The following CCDC7 variants were observed in gnomAD, a reference collection of about 807,000 sequenced individuals.
CCDC7 encodes coiled-coil domain-containing protein 7.
In CCDC7, 183 loss-of-function variants were observed where a neutral mutation model predicts 196.9. That is an observed-to-expected ratio of 0.93 (90% CI 0.82 to 1.05). The LOEUF is 1.05. Among genes scored for constraint, CCDC7 ranks in the 50% least tolerant of loss-of-function variants. CCDC7 has a pLI of 0.00. For synonymous variants in CCDC7, 525 were observed against 484.6 expected (o/e 1.08, Z -1.10); for missense variants, 1,540 against 1,482.2 (o/e 1.04, Z -0.64).
intron 28 of CCDC7, among the ~76,000 whole-genome samples, chr10:32,756,889 T>G (rs2076552943): frequency 1.3e-5 from 2 of 151,916 alleles, no homozygotes; most frequent in Admixed American, 1.3e-4. Context: ...AGGCTCAAAA[T>G]AAAGGGATGG....
chr10:32,449,627 C>T (rs1381721366), upstream of CCDC7, among the ~76,000 whole-genome samples: 1 of 152,084 alleles, frequency 6.6e-6, no homozygotes, highest in Non-Finnish European at 1.5e-5. Flanking sequence ...GCCTGTGTTC[C>T]TCCTGGAAGT....
At position 32,694,863 on chromosome 10, in the gene CCDC7, G is replaced by C; in HGVS notation, c.2345-16G>C. 1 of 1,469,770 alleles carries C rather than the reference G, an allele frequency of 6.8e-7. No individual in the cohort carries two copies. The highest frequency in any genetic ancestry group is 9.3e-7 in the Non-Finnish European group (1 of 1,080,388). The allele number at this position is 1,469,770 out of a possible 1,614,324, so 91.0% of individuals were successfully genotyped here. A position where few individuals can be genotyped will look rare whatever the true frequency, so the allele number is the denominator to read the frequency against. ...CTGTTTTTCCATTAAGAGACTAAAT[G>C]CATCTCCTTATGTAGCTCATGATGA... On this transcript the variant is annotated splice_polypyrimidine_tract_variant and intron_variant, in intron 23 of 41. Transcript: ENST00000639629.
intron 41 of CCDC7, among the ~76,000 whole-genome samples, chr10:32,862,745 CTGTT>C (rs2094052353): frequency 6.6e-6 from 1 of 152,002 alleles, no homozygotes; most frequent in Non-Finnish European, 1.5e-5. Flanking sequence ...GAAAAATACT[CTGTT>C]TGAAGACAAC....
intron 15 of CCDC7, among the ~76,000 whole-genome samples, 172 bp downstream of exon 16, chr10:32,568,063 A>G (rs1234503022): frequency 1.6e-5 from 2 of 127,124 alleles, no homozygotes; most frequent in African/African-American, 6.2e-5. Context: ...CTAGAGTGCT[A>G]TGGTGCGATC....
chr10:32,707,531 A>G (rs910852894), intron 24 of CCDC7, among the ~76,000 whole-genome samples: 2 of 152,144 alleles, frequency 1.3e-5, no homozygotes, highest in East Asian at 1.9e-4. Flanking sequence ...AAGTCAAATT[A>G]TCCCTGTTTG....
chr10:32,563,237 T>C (rs1261407397), intron 13 of CCDC7, among the ~76,000 whole-genome samples: 3 of 152,072 alleles, frequency 2.0e-5, no homozygotes, highest in Non-Finnish European at 4.4e-5. Context: ...AGGTAATTTA[T>C]AGATTCAATG....
At chr10:32,812,369 A>T (rs535823399) in intron 30 of CCDC7, among the ~76,000 whole-genome samples, 15 of 152,238 alleles carry the variant, frequency 9.9e-5, no homozygotes, top group African/African-American at 3.6e-4. Context: ...TTAAAAAAGC[A>T]TAAAATTATA....
chr10:32,675,378 C>G (rs920513056), intron 21 of CCDC7, among the ~76,000 whole-genome samples: 5 of 152,024 alleles, frequency 3.3e-5, no homozygotes, highest in Admixed American at 6.6e-5. Context: ...TTGTTAACAA[C>G]TTAACTTCAA....
intron 11 of CCDC7, among the ~76,000 whole-genome samples, chr10:32,519,330 C>A (rs966350680): frequency 2.0e-5 from 3 of 152,132 alleles, no homozygotes; most frequent in African/African-American, 7.2e-5. Context: ...ATCCTAATCA[C>A]ACACTGTTAG....
At chr10:32,514,345 G>A (rs1335569084) in intron 9 of CCDC7, 1 of 152,190 alleles carries the variant, frequency 6.6e-6, no homozygotes, top group South Asian at 2.1e-4. Context: ...CGTGACTAAT[G>A]TCCTTATAGG....
rs2040020204 is a variant in CCDC7 at position 32,481,843 on chromosome 10, TCTCTTAGACTGCAAAATTTTCA to T, written c.796+7823_796+7844del. 2.6e-5 allele frequency: 4 copies of T among 152,282 alleles called. No homozygotes were observed. In the South Asian group the frequency reaches 8.3e-4, roughly 32 times the overall value. The allele number at this position is 152,282 out of a possible 1,614,324, so 9.4% of individuals were successfully genotyped here. ...GAACTTTGAAAATATCTTCTTACTC[TCTCTTAGACTGCAAAATTTTCA>T]CTGCTGATAGCCCTATGGGGATTCT... On this transcript the variant is annotated intron_variant, in intron 8 of 41. Coordinates refer to ENST00000639629, the Ensembl canonical transcript of CCDC7.
chr10:32,571,993 A>G lies in CCDC7; in HGVS notation c.1454+100A>G. ...ACCATTCTAAATTTAATGTCACAAAACTCTTTGAAACTAATTTTAAGTAGA... is the reference window on the plus strand; with the variant it reads ...ACCATTCTAAATTTAATGTCACAAAGCTCTTTGAAACTAATTTTAAGTAGA... On this transcript the variant is annotated intron_variant, in intron 16 of 41. Transcript: ENST00000639629. 3 of 1,081,798 alleles carry G rather than the reference A, an allele frequency of 2.8e-6. No homozygotes were observed. The South Asian group carries it at 9.8e-5, about 35-fold the overall frequency. The allele number at this position is 1,081,798 out of a possible 1,614,324, so 67.0% of individuals were successfully genotyped here. A position where few individuals can be genotyped will look rare whatever the true frequency, so the allele number is the denominator to read the frequency against.
intron 41 of CCDC7, among the ~76,000 whole-genome samples, chr10:32,870,990 G>A (rs2094407313): frequency 6.6e-6 from 1 of 152,070 alleles, no homozygotes; most frequent in South Asian, 2.1e-4. Context: ...TGCTGGATTC[G>A]GTTTGCCAGT....
upstream of CCDC7, among the ~76,000 whole-genome samples, chr10:32,450,305 C>T (rs953296321): frequency 1.1e-4 from 16 of 152,156 alleles, no homozygotes; most frequent in African/African-American, 3.9e-4. Flanking sequence ...CTTATAGTGA[C>T]ACCAGTAATT....
intron 18 of CCDC7, among the ~76,000 whole-genome samples, chr10:32,622,238 A>G (rs10827084): frequency 0.037 from 5,690 of 152,238 alleles, 147 homozygotes; most frequent in Non-Finnish European, 0.05. Context: ...CATTGGACCC[A>G]TAGAGTCCTA....
intron 9 of CCDC7, chr10:32,511,470 T>G: frequency 6.2e-7 from 1 of 1,607,440 alleles, no homozygotes; most frequent in Non-Finnish European, 8.5e-7. Flanking sequence ...ATATATACTC[T>G]GATTCTTTCC....
At chr10:32,641,270 C>CT (rs1291873444) in intron 20 of CCDC7, among the ~76,000 whole-genome samples, 4 of 152,226 alleles carry the variant, frequency 2.6e-5, no homozygotes, top group Non-Finnish European at 5.9e-5. Context: ...TCTATTCTCC[C>CT]TGTCACTTTC....
chr10:32,640,704 G>A (rs1177354242), intron 20 of CCDC7, among the ~76,000 whole-genome samples: 1 of 151,988 alleles, frequency 6.6e-6, no homozygotes. Context: ...GGCAGGCCTG[G>A]TGGTGACAAA....
chr10:32,553,764 T>C (rs2053891092), intron 13 of CCDC7, among the ~76,000 whole-genome samples: 2 of 152,154 alleles, frequency 1.3e-5, no homozygotes, highest in African/African-American at 4.8e-5. Flanking sequence ...TCCTGTGATA[T>C]GGTGGTTTAA....
Sources: allele counts gnomAD v4.1 joint callset (sites outside exome capture counted in the v4.1 genomes callset), GRCh38; gene constraint gnomAD v4.1.1; transcripts MANE v1.5; gene names NCBI Gene and HGNC (gene_info 2026-07-23, HGNC 2026-07-21).